The following NRXN1 variants were observed in gnomAD, a reference collection of about 807,000 sequenced individuals.
NRXN1 encodes neurexin-1.
In NRXN1, 39 loss-of-function variants were observed where a neutral mutation model predicts 150.9. The ratio of observed to expected loss-of-function variants is 0.26; its 90% CI spans 0.20 to 0.34. The LOEUF is 0.34. Ranked by LOEUF, NRXN1 falls within the 10% of genes least tolerant of loss-of-function variation. NRXN1 has a pLI of 1.00. For missense variants in NRXN1, 1,815 were observed against 1,949.9 expected, an observed-to-expected ratio of 0.93 and a Z score of 1.30; for synonymous variants, 924 against 757.0, an observed-to-expected ratio of 1.22 and a Z score of -3.62.
intron 5 of NRXN1, among the ~76,000 whole-genome samples, chr2:50,830,566 G>T (rs1465183040): frequency 3.3e-5 from 5 of 151,106 alleles, no homozygotes; most frequent in African/African-American, 4.9e-5. Context: ...TCTGAGCCCT[G>T]AAACACATTC....
At chr2:50,441,805 A>T (rs1335754425) in intron 17 of NRXN1, among the ~76,000 whole-genome samples, 1 of 152,158 alleles carries the variant, frequency 6.6e-6, no homozygotes, top group South Asian at 2.1e-4. Context: ...ATTTCTGAAA[A>T]CTTATGTAAA....
intron 16 of NRXN1, among the ~76,000 whole-genome samples, chr2:50,469,907 T>C (rs534210256): frequency 5.6e-4 from 85 of 151,550 alleles, no homozygotes; most frequent in African/African-American, 2.1e-3. Context: ...AATTCCTTAC[T>C]AGATTATGTG....
chr2:50,420,707 G>C, intron 17 of NRXN1, among the ~76,000 whole-genome samples: 1 of 152,114 alleles, frequency 6.6e-6, no homozygotes, highest in East Asian at 1.9e-4. Flanking sequence ...ATAATTTTCT[G>C]GTTGTTCGTA....
At chr2:50,374,754 C>A (rs2080359392) in intron 17 of NRXN1, among the ~76,000 whole-genome samples, 1 of 152,076 alleles carries the variant, frequency 6.6e-6, no homozygotes, top group Admixed American at 6.6e-5. Flanking sequence ...AATTAAGAAT[C>A]CTACACAATA....
At chr2:50,179,448 A>G (rs1410081660) in intron 18 of NRXN1, among the ~76,000 whole-genome samples, 1 of 152,102 alleles carries the variant, frequency 6.6e-6, no homozygotes, top group African/African-American at 2.4e-5. Flanking sequence ...GCATGATTTT[A>G]TGAATATCAC....
intron 9 of NRXN1, among the ~76,000 whole-genome samples, chr2:50,552,136 T>C (rs1004469700): frequency 6.6e-6 from 1 of 152,220 alleles, no homozygotes; most frequent in African/African-American, 2.4e-5. Flanking sequence ...TTTAATGCCA[T>C]AGACTCATCC....
At chr2:50,801,515 T>C (rs1186633417) in intron 5 of NRXN1, among the ~76,000 whole-genome samples, 1 of 152,258 alleles carries the variant, frequency 6.6e-6, no homozygotes, top group Admixed American at 6.5e-5. Flanking sequence ...CAGGACTAAA[T>C]GCGAGGACTA....
At chr2:50,831,904 TTC>T (rs1335467724) in intron 5 of NRXN1, among the ~76,000 whole-genome samples, 1 of 152,160 alleles carries the variant, frequency 6.6e-6, no homozygotes, top group Non-Finnish European at 1.5e-5. Flanking sequence ...AGAAACAGCG[TTC>T]TGAGTGACGC....
chr2:50,998,591 A>G (rs1699626205), intron 2 of NRXN1, among the ~76,000 whole-genome samples: 1 of 152,088 alleles, frequency 6.6e-6, no homozygotes, highest in Non-Finnish European at 1.5e-5. Context: ...TAAGCATATG[A>G]TTTCATGAAG....
At position 49,985,833 on chromosome 2, in the gene NRXN1, A is replaced by T. The variant is rs951350605; in HGVS notation, c.4129-42042T>A. Among the ~76,000 whole-genome samples, 3 of 152,332 alleles carry T rather than the reference A, an allele frequency of 2.0e-5. No individual in the cohort carries two copies. The East Asian group carries it at 5.8e-4, about 29-fold the overall frequency. On this transcript the variant is annotated intron_variant, in intron 21 of 22. Coordinates refer to ENST00000401669, the MANE Select transcript of NRXN1 (RefSeq NM_001330078.2). ...GCTTGATATTTACAACAAAAAAAAA[A>T]TATTCACTCACTTTGGAAGTTAAAC...
intron 12 of NRXN1, among the ~76,000 whole-genome samples, chr2:50,516,921 G>A (rs1469077067): frequency 6.6e-6 from 1 of 152,088 alleles, no homozygotes; most frequent in East Asian, 1.9e-4. Context: ...ACTAATAACA[G>A]AGAAAGACAT....
At chr2:49,943,646 TAAC>T in intron 22 of NRXN1, 55 bp downstream of exon 22, 1 of 1,174,660 alleles carries the variant, frequency 8.5e-7, no homozygotes, top group Non-Finnish European at 1.3e-6. Flanking sequence ...CTAAGGAATA[TAAC>T]ATGCAACAAA....
At chr2:50,127,095 A>G (rs1558933270) in intron 18 of NRXN1, among the ~76,000 whole-genome samples, 2 of 152,156 alleles carry the variant, frequency 1.3e-5, no homozygotes, top group Non-Finnish European at 2.9e-5. Context: ...TATAAATTTA[A>G]TAGCTTTGCT....
intron 21 of NRXN1, among the ~76,000 whole-genome samples, chr2:50,032,302 G>C (rs1689294471): frequency 6.6e-6 from 1 of 152,036 alleles, no homozygotes; most frequent in African/African-American, 2.4e-5. Context: ...TGGAGAATGA[G>C]ATATTTGACC....
chr2:50,564,735 A>G (rs1484683215), intron 8 of NRXN1, among the ~76,000 whole-genome samples: 2 of 152,214 alleles, frequency 1.3e-5, no homozygotes, highest in African/African-American at 4.8e-5. Flanking sequence ...TAAAAAGTAT[A>G]GAGACCCCAG....
chr2:50,184,966 C>A (rs1158373876), intron 18 of NRXN1, among the ~76,000 whole-genome samples: 1 of 152,066 alleles, frequency 6.6e-6, no homozygotes, highest in Non-Finnish European at 1.5e-5. Context: ...CTCTTTAGCG[C>A]CACGTAGGTG....
intron 16 of NRXN1, among the ~76,000 whole-genome samples, chr2:50,471,002 C>T (rs1194125546): frequency 6.6e-6 from 1 of 151,744 alleles, no homozygotes; most frequent in South Asian, 2.1e-4. Context: ...GTGTTTCTGC[C>T]AGGTACACAC....
intron 2 of NRXN1, among the ~76,000 whole-genome samples, chr2:50,972,567 C>T (rs1034026297): frequency 1.3e-5 from 2 of 151,934 alleles, no homozygotes; most frequent in Admixed American, 1.3e-4. Flanking sequence ...ATTGTAATAT[C>T]GAATTAAACA....
intron 17 of NRXN1, among the ~76,000 whole-genome samples, chr2:50,269,876 CTA>C (rs1434953804): frequency 6.6e-6 from 1 of 152,112 alleles, no homozygotes; most frequent in Admixed American, 6.6e-5. Flanking sequence ...AAATTTTACT[CTA>C]GTTTTTCTTT....
Sources: gnomAD v4.1 joint callset for allele counts (sites outside exome capture counted in the v4.1 genomes callset) on GRCh38, gnomAD v4.1.1 for gene constraint, MANE v1.5 for transcripts, NCBI Gene and HGNC (gene_info 2026-07-23, HGNC 2026-07-21) for gene names.